The following PAH variants were observed in gnomAD, a reference collection of about 807,000 sequenced individuals.
The protein encoded by PAH is phenylalanine-4-hydroxylase.
In PAH, 64 loss-of-function variants were observed where a neutral mutation model predicts 62.0. That is an observed-to-expected ratio of 1.03 (90% CI 0.84 to 1.27). PAH has a LOEUF of 1.27. Among genes scored for constraint, PAH ranks in the 50% most tolerant of loss-of-function variants. The pLI, the probability that PAH is intolerant of heterozygous loss-of-function variation, is 0.00. For missense variants in PAH, 579 were observed against 542.8 expected, an observed-to-expected ratio of 1.07 and a Z score of -0.66; for synonymous variants, 195 against 196.2, an observed-to-expected ratio of 0.99 and a Z score of 0.05.
chr12:102,950,724 G>A (rs1354494190), exon 1 of PAH: 1 of 152,176 alleles, frequency 6.6e-6, no homozygotes, highest in Non-Finnish European at 1.5e-5. Context: ...AGCATCCAAG[G>A]GCGCGCAAGT....
intron 7 of PAH, chr12:102,852,401 A>G: frequency 4.1e-6 from 1 of 244,982 alleles, no homozygotes. Context: ...AGTAAGAAGC[A>G]TAATGGCTGC....
At chr12:102,871,938 AAAAAAAAAAAAATATATATATATATAT>A (rs1352240217) in intron 4 of PAH, among the ~76,000 whole-genome samples, 87 of 49,858 alleles carry the variant, frequency 1.7e-3, no homozygotes, top group African/African-American at 0.01. Context: ...AAAAAAAAAA[AAAAAAAAAAAAATATATATATATATAT>A]ATATATATAT....
At chr12:102,870,834 G>T (rs574774937) in intron 4 of PAH, among the ~76,000 whole-genome samples, 2 of 152,268 alleles carry the variant, frequency 1.3e-5, no homozygotes, top group African/African-American at 4.8e-5. Flanking sequence ...TAGACTAGGG[G>T]AGCACCGACC....
chr12:102,853,571 C>G lies in PAH; in HGVS notation c.707-621G>C, dbSNP rs141581926. 3.6e-3 allele frequency among the ~76,000 whole-genome samples: 552 copies of G among 152,308 alleles called. 4 individuals carry two copies. The highest frequency in any genetic ancestry group is 0.013 in the African/African-American group (527 of 41,556). ...TCTTGGCCATGCAATGGACTATGCT[C>G]TATGAATTGGCAGGTAAGTTTACCT... On this transcript the variant is annotated intron_variant, in intron 6 of 12. Transcript: ENST00000553106.
intron 2 of PAH, among the ~76,000 whole-genome samples, chr12:102,895,869 A>AAAAATATATAT (rs953209518): frequency 4.2e-5 from 5 of 118,742 alleles, no homozygotes; most frequent in African/African-American, 1.8e-4. Context: ...AAAAAAAAAA[A>AAAAATATATAT]ATATATATAT....
upstream of PAH, among the ~76,000 whole-genome samples, chr12:102,921,994 A>T (rs1396321776): frequency 6.6e-6 from 1 of 152,144 alleles, no homozygotes; most frequent in Non-Finnish European, 1.5e-5. Flanking sequence ...TGGCTCAAAC[A>T]TCAAAATATA....
chr12:102,873,216 T>A (rs957665800), intron 4 of PAH, among the ~76,000 whole-genome samples: 4 of 152,322 alleles, frequency 2.6e-5, no homozygotes, highest in African/African-American at 9.6e-5. Context: ...GCTAAACTAT[T>A]TTCCCCCATC....
At chr12:102,839,332 C>T (rs1592944874) in intron 12 of PAH, 114 bp from the exon 13 acceptor site, 3 of 968,562 alleles carry the variant, frequency 3.1e-6, no homozygotes, top group South Asian at 1.3e-5. Context: ...GAGCTGGGTG[C>T]CACCCCAACT....
intron 3 of PAH, among the ~76,000 whole-genome samples, chr12:102,890,448 C>A (rs1379320216): frequency 6.6e-6 from 1 of 152,222 alleles, no homozygotes; most frequent in Admixed American, 6.5e-5. Context: ...TTCACGGAAA[C>A]TACCACAGAA....
chr12:102,850,664 T>C (rs1245051613), intron 8 of PAH, among the ~76,000 whole-genome samples: 1 of 152,176 alleles, frequency 6.6e-6, no homozygotes, highest in Non-Finnish European at 1.5e-5. Flanking sequence ...AGCTGGTTAG[T>C]GGCAGGGTTG....
intron 1 of PAH, among the ~76,000 whole-genome samples, chr12:102,941,043 C>T (rs1200233301): frequency 1.3e-5 from 2 of 152,084 alleles, no homozygotes; most frequent in Non-Finnish European, 2.9e-5. Flanking sequence ...AAAATAAATT[C>T]CAACCAAGAA....
At chr12:102,956,855 T>G (rs1410437358) in intron 1 of PAH, among the ~76,000 whole-genome samples, 1 of 151,996 alleles carries the variant, frequency 6.6e-6, no homozygotes, top group Non-Finnish European at 1.5e-5. Context: ...CCCCACACAC[T>G]TGCTCAGTTA....
chr12:102,949,206 C>G (rs145421738), intron 1 of PAH, among the ~76,000 whole-genome samples: 104 of 152,320 alleles, frequency 6.8e-4, no homozygotes, highest in Non-Finnish European at 1.2e-3. Flanking sequence ...TGGCCGATCT[C>G]TTGCCCTAGT....
At position 102,866,830 on chromosome 12, in the gene PAH, T is replaced by C. The variant is rs2247836; in HGVS notation, c.442-167A>G. On this transcript the variant is annotated intron_variant, in intron 4 of 12. Coordinates refer to ENST00000553106, the MANE Select transcript of PAH (RefSeq NM_000277.3). Reference sequence around the variant, plus strand: ...TTAAACTTAGCTCTCCTACCAGATATTGTGAGTGACACCTTATTAGTAACT... The same window carrying C: ...TTAAACTTAGCTCTCCTACCAGATACTGTGAGTGACACCTTATTAGTAACT... Among the ~76,000 whole-genome samples, 58,495 of 152,072 alleles carry C rather than the reference T, an allele frequency of 0.38. 11,921 individuals are homozygous for C. Among genetic ancestry groups the C allele is most frequent in the Non-Finnish European group, 0.45 (30,277 of 67,966 alleles).
intron 1 of PAH, among the ~76,000 whole-genome samples, chr12:102,924,755 G>C (rs979527984): frequency 3.9e-5 from 6 of 152,150 alleles, no homozygotes; most frequent in African/African-American, 1.4e-4. Flanking sequence ...TTCCTTGGCT[G>C]TGAAACTGTA....
intron 4 of PAH, among the ~76,000 whole-genome samples, chr12:102,870,845 A>G (rs1038053742): frequency 4.6e-5 from 7 of 152,222 alleles, no homozygotes; most frequent in Admixed American, 3.9e-4. Flanking sequence ...AGCACCGACC[A>G]TGCCCAATCC....
rs145317916 is a variant in PAH, at chr12:102,865,427, C to A, written c.509+1169G>T. Among the ~76,000 whole-genome samples, 30 of 152,124 alleles carry A rather than the reference C, an allele frequency of 2.0e-4. No homozygotes were observed. In the East Asian group the frequency reaches 5.6e-3, roughly 28 times the overall value. On this transcript the variant is annotated intron_variant, in intron 5 of 12. Transcript: ENST00000553106. ...TTAACCTTTGTAAGCTTTGATTACC[C>A]CATCAGAAAAATGAGAAGTTATTAT...
chr12:102,852,777 T>C, intron 7 of PAH, 38 bp downstream of exon 7: 1 of 1,613,724 alleles, frequency 6.2e-7, no homozygotes, highest in South Asian at 1.1e-5. Flanking sequence ...ATGGCGCTCA[T>C]TGTGCCTGGC....
At chr12:102,875,581 C>T (rs1876527430) in intron 4 of PAH, among the ~76,000 whole-genome samples, 1 of 152,166 alleles carries the variant, frequency 6.6e-6, no homozygotes, top group African/African-American at 2.4e-5. Flanking sequence ...AGAGCAGAAT[C>T]CCACCTGGAG....
Sources: gnomAD v4.1 joint callset for allele counts (sites outside exome capture counted in the v4.1 genomes callset) on GRCh38, gnomAD v4.1.1 for gene constraint, MANE v1.5 for transcripts, NCBI Gene and HGNC (gene_info 2026-07-23, HGNC 2026-07-21) for gene names.